Variants in AGMO observed in about 807,000 individuals in gnomAD.
AGMO encodes alkylglycerol monooxygenase, also known as glyceryl-ether monooxygenase.
In AGMO, 75 loss-of-function variants were observed where a neutral mutation model predicts 60.2. That is an observed-to-expected ratio of 1.25 (90% CI 1.03 to 1.51). The LOEUF (loss-of-function observed/expected upper bound fraction) is 1.51, where lower values mean the gene tolerates loss of function less well. Among genes scored for constraint, AGMO ranks in the 40% most tolerant of loss-of-function variants. The probability of loss-of-function intolerance (pLI) is 0.00; values close to 1 mark genes in which losing one functional copy is unlikely to be tolerated. For missense variants in AGMO, 763 were observed against 525.5 expected, an observed-to-expected ratio of 1.45 and a Z score of -4.42; for synonymous variants, 261 against 177.1, an observed-to-expected ratio of 1.47 and a Z score of -3.76.
intron 3 of AGMO, among the ~76,000 whole-genome samples, chr7:15,473,433 G>A (rs1259546571): frequency 6.6e-6 from 1 of 151,958 alleles, no homozygotes; most frequent in African/African-American, 2.4e-5. Flanking sequence ...AAACCTGGCA[G>A]AGACACAACA....
chr7:15,202,044 T>G (rs1781303982), intron 12 of AGMO, among the ~76,000 whole-genome samples: 1 of 152,104 alleles, frequency 6.6e-6, no homozygotes, highest in African/African-American at 2.4e-5. Context: ...CACCGACAAT[T>G]AAAACTATAG....
At chr7:15,530,613 CTA>C (rs1270788400) in intron 3 of AGMO, among the ~76,000 whole-genome samples, 1 of 116,360 alleles carries the variant, frequency 8.6e-6, no homozygotes, top group African/African-American at 3.5e-5. Context: ...ATACGTATTT[CTA>C]TATATATATT....
intron 5 of AGMO, among the ~76,000 whole-genome samples, chr7:15,407,597 T>A (rs1784740266): frequency 6.6e-6 from 1 of 151,804 alleles, no homozygotes; most frequent in African/African-American, 2.4e-5. Context: ...AAGTAAGGTA[T>A]TGGAAACATT....
At chr7:15,310,998 A>T (rs1012551421) in intron 12 of AGMO, among the ~76,000 whole-genome samples, 1 of 151,998 alleles carries the variant, frequency 6.6e-6, no homozygotes, top group Non-Finnish European at 1.5e-5. Flanking sequence ...AACACTTCTG[A>T]CGGCATGAGG....
chr7:15,231,887 A>T (rs543457602), intron 12 of AGMO, among the ~76,000 whole-genome samples: 27 of 152,324 alleles, frequency 1.8e-4, no homozygotes, highest in African/African-American at 6.3e-4. Context: ...AAATCTGACA[A>T]TAAAAAATAA....
At chr7:15,205,269 G>C (rs1781411413) in intron 12 of AGMO, among the ~76,000 whole-genome samples, 1 of 151,936 alleles carries the variant, frequency 6.6e-6, no homozygotes, top group South Asian at 2.1e-4. Flanking sequence ...AACTAGCTAG[G>C]GATCTTCCAC....
At chr7:15,271,471 C>A (rs975620890) in intron 12 of AGMO, among the ~76,000 whole-genome samples, 1 of 152,010 alleles carries the variant, frequency 6.6e-6, no homozygotes, top group African/African-American at 2.4e-5. Context: ...TCAGGTTGAT[C>A]ATTATTGATG....
intron 12 of AGMO, among the ~76,000 whole-genome samples, chr7:15,236,560 A>T (rs1782426318): frequency 6.6e-6 from 1 of 152,126 alleles, no homozygotes; most frequent in East Asian, 1.9e-4. Flanking sequence ...TAAGAAATAT[A>T]CAGAGACAAT....
At chr7:15,166,323 G>A in the AGMO span, among the ~76,000 whole-genome samples, 1 of 152,132 alleles carries the variant, frequency 6.6e-6, no homozygotes, top group Non-Finnish European at 1.5e-5. Flanking sequence ...CCACACCGGT[G>A]GATGGAGCAA....
chr7:15,327,319 A>G (rs1279085875), intron 12 of AGMO, among the ~76,000 whole-genome samples: 1 of 152,236 alleles, frequency 6.6e-6, no homozygotes, highest in Non-Finnish European at 1.5e-5. Context: ...AGAAAAAGAA[A>G]TAAGTGTTGG....
At chr7:15,417,219 T>A (rs1780797973) in intron 5 of AGMO, among the ~76,000 whole-genome samples, 1 of 151,724 alleles carries the variant, frequency 6.6e-6, no homozygotes, top group Non-Finnish European at 1.5e-5. Context: ...AAGGGGGAGG[T>A]TCTAAGCATT....
chr7:15,561,678 A>C (rs372138213), intron 1 of AGMO, 42 bp downstream of exon 1: 6 of 1,527,580 alleles, frequency 3.9e-6, no homozygotes, highest in Non-Finnish European at 4.4e-6. Context: ...TTTATTAAGA[A>C]AGCAGCAAGA....
intron 10 of AGMO, among the ~76,000 whole-genome samples, chr7:15,379,596 T>C (rs1036902811): frequency 1.3e-5 from 2 of 151,980 alleles, no homozygotes; most frequent in South Asian, 2.1e-4. Flanking sequence ...AGCTCTAAAA[T>C]TGAGGCAGTA....
intron 3 of AGMO, among the ~76,000 whole-genome samples, chr7:15,529,449 A>T (rs1460172968): frequency 2.0e-5 from 3 of 146,778 alleles, no homozygotes; most frequent in African/African-American, 7.5e-5. Context: ...ATCAACAAAA[A>T]AAACAACAAT....
At chr7:15,488,805 GT>G (rs547057038) in intron 3 of AGMO, among the ~76,000 whole-genome samples, 60 of 144,740 alleles carry the variant, frequency 4.1e-4, no homozygotes, top group African/African-American at 1.4e-3. Flanking sequence ...ACATTCGGTT[GT>G]TTTTTTTTTA....
chr7:15,515,165 G>A (rs975533242), intron 3 of AGMO, among the ~76,000 whole-genome samples: 1 of 152,160 alleles, frequency 6.6e-6, no homozygotes, highest in Admixed American at 6.5e-5. Flanking sequence ...TTCAATGTGA[G>A]GAATCACTTC....
chr7:15,298,835 T>C (rs908692704), intron 12 of AGMO, among the ~76,000 whole-genome samples: 1 of 152,218 alleles, frequency 6.6e-6, no homozygotes, highest in African/African-American at 2.4e-5. Context: ...TGATTTGGAA[T>C]ACAACTGCTT....
chr7:15,256,296 T>C (rs1383357414), intron 12 of AGMO, among the ~76,000 whole-genome samples: 3 of 152,230 alleles, frequency 2.0e-5, no homozygotes, highest in Non-Finnish European at 2.9e-5. Context: ...ACAAACCACA[T>C]ATACGGTGGT....
Position 15,314,812 on chromosome 7 carries a change from C to T in AGMO, c.1263+50702G>A, listed in dbSNP as rs544920752. 1.0e-3 allele frequency among the ~76,000 whole-genome samples: 159 copies of T among 151,944 alleles called. 1 individual carries two copies. The highest frequency in any genetic ancestry group is 1.5e-3 in the Non-Finnish European group (101 of 67,976). On this transcript the variant is annotated intron_variant, in intron 12 of 12. Coordinates refer to ENST00000342526, the MANE Select transcript of AGMO (RefSeq NM_001004320.2). ...TCATCCTAAATTATCTAGGTACACC[C>T]AATCTTATCAACTGAGCCATCAAAA... is the stretch of plus-strand genomic sequence containing the variant.
Sources: gnomAD v4.1 joint callset for allele counts (sites outside exome capture counted in the v4.1 genomes callset) on GRCh38, gnomAD v4.1.1 for gene constraint, MANE v1.5 for transcripts, NCBI Gene and HGNC (gene_info 2026-07-23, HGNC 2026-07-21) for gene names.